The following BCAS2 variants were observed in gnomAD, a reference collection of about 807,000 sequenced individuals.
BCAS2 encodes pre-mRNA-splicing factor SPF27.
A neutral mutation model predicts 35.3 loss-of-function variants in BCAS2; 34 were observed. That is an observed-to-expected ratio of 0.96 (90% CI 0.73 to 1.28). BCAS2 has a LOEUF of 1.28. Among genes scored for constraint, BCAS2 ranks in the 50% most tolerant of loss-of-function variants. The pLI, the probability that BCAS2 is intolerant of heterozygous loss-of-function variation, is 0.00. For missense variants in BCAS2, 221 were observed against 268.1 expected, an observed-to-expected ratio of 0.82 and a Z score of 1.23; for synonymous variants, 75 against 91.6, an observed-to-expected ratio of 0.82 and a Z score of 1.03.
At position 114,576,431 on chromosome 1, in the gene BCAS2, T is replaced by TTTATTA. The variant is rs147601064; in HGVS notation, c.257+251_257+256dup. 8.8e-3 allele frequency among the ~76,000 whole-genome samples: 1,289 copies of TTTATTA among 147,052 alleles called. 16 individuals carry two copies. Among genetic ancestry groups the TTTATTA allele is most frequent in the African/African-American group, 0.029 (1,138 of 39,772 alleles). On this transcript the variant is annotated intron_variant, in intron 3 of 6. Coordinates refer to ENST00000369541, the MANE Select transcript of BCAS2 (RefSeq NM_005872.3). ...GTGCGTGCCACCACACCCAGGTACG[T>TTTATTA]TTATTATTATTATTATTATTATTAT...
intron 6 of BCAS2, 111 bp downstream of exon 6, chr1:114,569,881 A>G (rs969245609): frequency 5.2e-5 from 42 of 807,686 alleles, no homozygotes; most frequent in Non-Finnish European, 8.1e-5. Flanking sequence ...AGAAAATAGC[A>G]TTTCTTTGTT....
At position 114,568,222 on chromosome 1, in the gene BCAS2, C is replaced by A; in HGVS notation, c.586G>T (p.Glu196Ter). ...VSLVSKNYEI[E>*]RTIVQLENEI... ...TTTTCTAGCTGAACAATAGTCCGTT[C>A]AATCTCATAATTCTTACTGACCAGG... Residue 196 changes from glutamate (E) to a stop codon, truncating the protein, a stop_gained, in exon 7 of 7, where the codon GAA becomes TAA. Coordinates refer to ENST00000369541, the MANE Select transcript of BCAS2 (RefSeq NM_005872.3). LOFTEE classifies it high-confidence loss of function. 1 of 1,613,918 alleles carries A rather than the reference C, an allele frequency of 6.2e-7. No individual in the cohort carries two copies. The highest frequency in any genetic ancestry group is 1.1e-5 in the South Asian group (1 of 91,070).
chr1:114,579,278 A>G (rs1654834138), intron 2 of BCAS2, among the ~76,000 whole-genome samples: 1 of 152,172 alleles, frequency 6.6e-6, no homozygotes, highest in African/African-American at 2.4e-5. Flanking sequence ...TCAAAAAAAG[A>G]AAGGATTAAA....
At chr1:114,575,125 G>C (rs538067836) in intron 4 of BCAS2, among the ~76,000 whole-genome samples, 7 of 150,492 alleles carry the variant, frequency 4.7e-5, no homozygotes, top group Non-Finnish European at 7.4e-5. Context: ...ACCCGCCTCG[G>C]CCTCCTGAAG....
At chr1:114,579,526 A>C (rs1312109728) in intron 2 of BCAS2, among the ~76,000 whole-genome samples, 1 of 152,224 alleles carries the variant, frequency 6.6e-6, no homozygotes, top group African/African-American at 2.4e-5. Context: ...AAATATTTAG[A>C]AAAAGCATAG....
chr1:114,575,439 C>G (rs1312932792), intron 4 of BCAS2, 151 bp downstream of exon 4: 1 of 677,240 alleles, frequency 1.5e-6, no homozygotes, highest in East Asian at 3.3e-5. Context: ...AAGCAATCCA[C>G]CCACCTCTGC....
intron 6 of BCAS2, 33 bp downstream of exon 6, chr1:114,569,959 A>T (rs762794327): frequency 6.6e-7 from 1 of 1,526,572 alleles, no homozygotes; most frequent in South Asian, 1.1e-5. Flanking sequence ...AGGGCTAAAC[A>T]ATTTAAAAGA....
At position 114,581,613 on chromosome 1, in the gene BCAS2, T is replaced by C. The variant is rs1032658521; in HGVS notation, c.-22A>G. On this transcript the variant is annotated 5_prime_UTR_variant, in exon 1 of 7. Transcript: ENST00000369541. Reference sequence around the variant, plus strand: ...CCATTCTGAGGACCTCAGGTTTGCCTGCGTTTTCTGCGTCTGCGTAAACTC... The same window carrying C: ...CCATTCTGAGGACCTCAGGTTTGCCCGCGTTTTCTGCGTCTGCGTAAACTC... 3.7e-6 allele frequency: 6 copies of C among 1,610,870 alleles called. No homozygotes were observed. In the Admixed American group the frequency reaches 5.0e-5, roughly 13 times the overall value.
chr1:114,568,172 T>A lies in BCAS2; in HGVS notation c.636A>T (p.Gln212His), dbSNP rs371451565. 6.2e-7 allele frequency: 1 copy of A among 1,613,482 alleles called. No homozygotes were observed. The highest frequency in any genetic ancestry group is 8.5e-7 in the Non-Finnish European group (1 of 1,179,998). Residue 212 changes from glutamine to histidine, a missense_variant, in exon 7 of 7, where the codon CAA becomes CAT. Gln to His is a conservative substitution (Grantham distance 24, BLOSUM62 0). Coordinates refer to ENST00000369541, the MANE Select transcript of BCAS2 (RefSeq NM_005872.3). ...TGTTTTCTTTGTTTGCCTCTCCATG[T>A]TGCTGCTTAATTTGATAGATTTCAT... ...LENEIYQIKQ[Q>H]HGEANKENIR...
At position 114,567,672 on chromosome 1, in the gene BCAS2, C is replaced by CGAT. The variant is rs371715142; in HGVS notation, c.*455_*457dup. On this transcript the variant is annotated 3_prime_UTR_variant, in exon 7 of 7. Transcript: ENST00000369541. ...ATATAACTGTTACCTATGATGATGACGATGATGATGATAATGATAACTGTA... is the reference window on the plus strand; with the variant it reads ...ATATAACTGTTACCTATGATGATGACGATGATGATGATGATAATGATAACTGTA... 1 of 154,406 alleles carries CGAT rather than the reference C, an allele frequency of 6.5e-6. No homozygotes were observed. The highest frequency in any genetic ancestry group is 2.4e-5 in the African/African-American group (1 of 41,406). The allele number at this position is 154,406 out of a possible 1,614,324, so 9.6% of individuals were successfully genotyped here. A position where few individuals can be genotyped will look rare whatever the true frequency, so the allele number is the denominator to read the frequency against.
rs891292037 is a variant in BCAS2 at position 114,576,884 on chromosome 1, C to G, written c.187-126G>C. 8 of 648,612 alleles carry G rather than the reference C, an allele frequency of 1.2e-5. No individual in the cohort carries two copies. In the Admixed American group the frequency reaches 1.6e-4, roughly 13 times the overall value. The allele number at this position is 648,612 out of a possible 1,614,324, so 40.2% of individuals were successfully genotyped here. On this transcript the variant is annotated intron_variant, in intron 2 of 6. Coordinates refer to ENST00000369541, the MANE Select transcript of BCAS2 (RefSeq NM_005872.3). ...AATTGTTTACCTTTCCCTAATTCTT[C>G]TCTGAGTTAAATGCTCTCTAGAATC...
chr1:114,574,904 C>T (rs959078190), intron 4 of BCAS2, among the ~76,000 whole-genome samples: 6 of 152,152 alleles, frequency 3.9e-5, no homozygotes, highest in Admixed American at 3.9e-4. Flanking sequence ...GAGTCTCGCT[C>T]TGTCACTGTG....
Position 114,570,768 on chromosome 1 carries a change from A to T in BCAS2, c.420-18T>A, listed in dbSNP as rs1483980700. On this transcript the variant is annotated intron_variant, in intron 4 of 6. Transcript: ENST00000369541. ...CTAGATTTCTGAAGGAAAAGAGGAA[A>T]ATCAGATTAAAATACATTAAAATAG... The T allele has an allele frequency of 1.3e-6, 2 of 1,538,240 alleles. No individual in the cohort carries two copies. The highest frequency in any genetic ancestry group is 1.8e-5 in the Admixed American group (1 of 54,806).
chr1:114,577,492 G>A (rs1026070523), intron 2 of BCAS2, among the ~76,000 whole-genome samples: 3 of 151,962 alleles, frequency 2.0e-5, no homozygotes, highest in Non-Finnish European at 4.4e-5. Flanking sequence ...TCAGCCTCCC[G>A]AGTAGCTGGG....
intron 6 of BCAS2, among the ~76,000 whole-genome samples, 165 bp from the exon 7 acceptor site, chr1:114,568,421 C>T (rs899162283): frequency 4.8e-5 from 7 of 146,732 alleles, no homozygotes; most frequent in Non-Finnish European, 7.4e-5. Flanking sequence ...GGCTGGAGAA[C>T]AATGGCGCAA....
Position 114,576,684 on chromosome 1 carries a change from T to G in BCAS2, c.257+4A>C. On this transcript the variant is annotated splice_donor_region_variant and intron_variant, in intron 3 of 6. Coordinates refer to ENST00000369541, the MANE Select transcript of BCAS2 (RefSeq NM_005872.3). ...AATTTTAATTTCCATTTTAATATTC[T>G]TACCGTTTCATACTGAGCAATTCAA... is the stretch of plus-strand genomic sequence containing the variant. 1 of 1,603,072 alleles carries G rather than the reference T, an allele frequency of 6.2e-7. No homozygotes were observed. The highest frequency in any genetic ancestry group is 8.5e-7 in the Non-Finnish European group (1 of 1,171,804).
intron 2 of BCAS2, 56 bp from the exon 3 acceptor site, chr1:114,576,814 A>G: frequency 2.2e-6 from 3 of 1,333,942 alleles, no homozygotes; most frequent in Non-Finnish European, 3.2e-6. Flanking sequence ...CTAAAAATTA[A>G]CAATCACCAA....
At chr1:114,576,577 C>T in intron 3 of BCAS2, 111 bp downstream of exon 3, 1 of 863,436 alleles carries the variant, frequency 1.2e-6, no homozygotes, top group Non-Finnish European at 1.8e-6. Context: ...TGTGAGCCAC[C>T]ACACCCGGCC....
At chr1:114,578,745 G>A (rs1287850276) in intron 2 of BCAS2, among the ~76,000 whole-genome samples, 1 of 152,136 alleles carries the variant, frequency 6.6e-6, no homozygotes, top group Non-Finnish European at 1.5e-5. Flanking sequence ...GGACCCTGCC[G>A]ATACTGTTCT....
Sources: gnomAD v4.1 joint callset for allele counts (sites outside exome capture counted in the v4.1 genomes callset) on GRCh38, gnomAD v4.1.1 for gene constraint, MANE v1.5 for transcripts, NCBI Gene and HGNC (gene_info 2026-07-23, HGNC 2026-07-21) for gene names.